Variants in CD2 observed in about 807,000 individuals in gnomAD.
CD2 encodes the protein T-cell surface antigen CD2.
A neutral mutation model predicts 23.2 loss-of-function variants in CD2; 18 were observed. That is an observed-to-expected ratio of 0.77 (90% confidence interval 0.54 to 1.15). The LOEUF (loss-of-function observed/expected upper bound fraction) is 1.15, where lower values mean the gene tolerates loss of function less well. Among genes scored for constraint, CD2 ranks in the 50% most tolerant of loss-of-function variants. The pLI is 0.00. For missense variants in CD2, 424 were observed against 423.1 expected (o/e 1.00, Z -0.02); for synonymous variants, 162 against 151.9 (o/e 1.07, Z -0.49).
chr1:116,755,078 G>A (rs1651795063), intron 2 of CD2, 127 bp downstream of exon 2: 1 of 659,662 alleles, frequency 1.5e-6, no homozygotes, highest in African/African-American at 1.8e-5. Context: ...GAAACCAGAT[G>A]CATGTCTCCT....
intron 2 of CD2, among the ~76,000 whole-genome samples, chr1:116,757,758 G>T (rs572125192): frequency 0.019 from 2,802 of 150,484 alleles, 87 homozygotes; most frequent in African/African-American, 0.064. Context: ...TATATAGAGA[G>T]AGAGAGAGAG....
At chr1:116,764,918 T>C (rs760487836) in intron 4 of CD2, among the ~76,000 whole-genome samples, 2 of 152,272 alleles carry the variant, frequency 1.3e-5, no homozygotes, top group Non-Finnish European at 1.5e-5. Flanking sequence ...CTTCTCTACA[T>C]AGGCAGAAAG....
Position 116,764,475 on chromosome 1 carries a change from C to T in CD2, c.614-9C>T, listed in dbSNP as rs368348054. On this transcript the variant is annotated splice_polypyrimidine_tract_variant and intron_variant, in intron 3 of 4. Coordinates refer to ENST00000369478, the MANE Select transcript of CD2 (RefSeq NM_001767.5). ...CCTCCCAGCCATCCCACTTCTCTTCCTTTTGCAGAGAAAGGTCTGGACATC... is the reference window on the plus strand; with the variant it reads ...CCTCCCAGCCATCCCACTTCTCTTCTTTTTGCAGAGAAAGGTCTGGACATC... The T allele has an allele frequency of 4.3e-5, 69 of 1,613,308 alleles. No individual in the cohort carries two copies. In the Middle Eastern group the frequency reaches 6.6e-4, roughly 15 times the overall value.
chr1:116,768,466 G>A lies in CD2; in HGVS notation c.739G>A (p.Glu247Lys), dbSNP rs532610592. The change falls in exon 5 of 5, where the codon GAG (glutamate) becomes AAG (lysine). Residue 247 changes from glutamate (E) to lysine (K), a missense_variant and splice_region_variant. By Grantham distance (56) the Glu-to-Lys change is moderately conservative (BLOSUM62 1). Coordinates refer to ENST00000369478, the MANE Select transcript of CD2 (RefSeq NM_001767.5). ...CTATTGAGGTTTTGTTGTTGCAGAT[G>A]AGGAGCTGGAGACAAGAGCCCACAG... The part of the protein sequence containing the change: ...RKKQRSRRND[E>K]ELETRAHRVA... The A allele has an allele frequency of 6.2e-7, 1 of 1,612,688 alleles. No homozygotes were observed. Among genetic ancestry groups the A allele is most frequent in the South Asian group, 1.1e-5 (1 of 90,968 alleles).
At chr1:116,766,137 A>T (rs898432691) in intron 4 of CD2, among the ~76,000 whole-genome samples, 1 of 152,260 alleles carries the variant, frequency 6.6e-6, no homozygotes. Flanking sequence ...CGCTTGCCTC[A>T]TTCCAGTCAT....
At chr1:116,754,983 C>T (rs1651792103) in intron 2 of CD2, 32 bp downstream of exon 2, 2 of 1,452,698 alleles carry the variant, frequency 1.4e-6, no homozygotes, top group African/African-American at 1.4e-5. Context: ...TGCTTTATTT[C>T]AGTGTGGGTG....
At chr1:116,761,587 G>T (rs1652055354) in intron 3 of CD2, among the ~76,000 whole-genome samples, 1 of 152,150 alleles carries the variant, frequency 6.6e-6, no homozygotes, top group Non-Finnish European at 1.5e-5. Context: ...TTAATCTCAG[G>T]AGTAATATCC....
chr1:116,760,396 T>C lies in CD2; in HGVS notation c.383-6T>C. 2 of 1,611,186 alleles carry C rather than the reference T, an allele frequency of 1.2e-6. No homozygotes were observed. Among genetic ancestry groups the C allele is most frequent in the Non-Finnish European group, 8.5e-7 (1 of 1,177,766 alleles). On this transcript the variant is annotated splice_polypyrimidine_tract_variant and splice_region_variant and intron_variant, in intron 2 of 4. Transcript: ENST00000369478. Reference sequence around the variant, plus strand: ...AAATTGAACTGAATCTTTACTTTCTTTTTAGAGAGGGTCTCAAAACCAAAG... The same window carrying C: ...AAATTGAACTGAATCTTTACTTTCTCTTTAGAGAGGGTCTCAAAACCAAAG...
chr1:116,765,712 C>T (rs984124268), intron 4 of CD2, among the ~76,000 whole-genome samples: 2 of 152,346 alleles, frequency 1.3e-5, no homozygotes, highest in Admixed American at 1.3e-4. Flanking sequence ...CCAGCTCTGG[C>T]TGTTCTCCAT....
At chr1:116,765,486 C>A (rs1652188895) in intron 4 of CD2, among the ~76,000 whole-genome samples, 3 of 152,170 alleles carry the variant, frequency 2.0e-5, no homozygotes, top group Non-Finnish European at 4.4e-5. Context: ...GCTTCTTTAC[C>A]TCAGATTTCT....
At chr1:116,764,667 T>G in intron 4 of CD2, 61 bp downstream of exon 4, 1 of 1,221,044 alleles carries the variant, frequency 8.2e-7, no homozygotes, top group Non-Finnish European at 1.2e-6. Context: ...AAACAGCTCA[T>G]GGGGATGACA....
intron 4 of CD2, among the ~76,000 whole-genome samples, chr1:116,767,061 T>C (rs1376185707): frequency 2.0e-5 from 3 of 152,130 alleles, no homozygotes. Context: ...GAAGATGGCA[T>C]AGAGGATGTG....
Position 116,760,555 on chromosome 1 carries a change from G to C in CD2, c.536G>C (p.Ser179Thr). The C allele has an allele frequency of 1.9e-6, 3 of 1,614,208 alleles. No homozygotes were observed. In the South Asian group the frequency reaches 3.3e-5, roughly 18 times the overall value. The change falls in exon 3 of 5, where the codon AGC (serine) becomes ACC (threonine). Residue 179 changes from serine to threonine, a missense_variant. By Grantham distance (58) the Ser-to-Thr change is moderately conservative (BLOSUM62 1). Transcript: ENST00000369478. Reference sequence around the variant, plus strand: ...GTCATCACACACAAGTGGACCACCAGCCTGAGTGCAAAATTCAAGTGCACA... The same window carrying C: ...GTCATCACACACAAGTGGACCACCACCCTGAGTGCAAAATTCAAGTGCACA... ...QRVITHKWTT[S>T]LSAKFKCTAG...
chr1:116,766,183 G>A (rs539830909), intron 4 of CD2, among the ~76,000 whole-genome samples: 1 of 152,342 alleles, frequency 6.6e-6, no homozygotes, highest in South Asian at 2.1e-4. Flanking sequence ...GCAAACAAGG[G>A]AGAAGGACAA....
chr1:116,768,406 A>G, intron 4 of CD2, 58 bp from the exon 5 acceptor site: 10 of 1,523,976 alleles, frequency 6.6e-6, no homozygotes, highest in Admixed American at 1.9e-5. Context: ...AAGGTACTCA[A>G]TATTTACATT....
Position 116,768,319 on chromosome 1 carries a change from A to G in CD2, c.737-145A>G, listed in dbSNP as rs576400985. 2.7e-5 allele frequency: 19 copies of G among 695,274 alleles called. No homozygotes were observed. In the South Asian group the frequency reaches 3.5e-4, roughly 13 times the overall value. 43.1% of individuals were successfully genotyped at this position (695,274 alleles called of 1,614,324 possible). ...ACTTCTTTCTCTCCTACAAGCTTAG[A>G]GTTCTCAGATAGTAGGGGCAACTTC... On this transcript the variant is annotated intron_variant, in intron 4 of 4. Transcript: ENST00000369478.
chr1:116,761,413 C>T (rs988661182), intron 3 of CD2, among the ~76,000 whole-genome samples: 2 of 152,170 alleles, frequency 1.3e-5, no homozygotes, highest in African/African-American at 2.4e-5. Flanking sequence ...AAAATAAGCA[C>T]CATGTTCACA....
chr1:116,757,078 C>T (rs958887432), intron 2 of CD2, among the ~76,000 whole-genome samples: 2 of 151,650 alleles, frequency 1.3e-5, no homozygotes, highest in African/African-American at 2.4e-5. Flanking sequence ...CTCACTGCAG[C>T]CTCTGCCTCC....
chr1:116,760,345 T>C (rs2101160936), intron 2 of CD2, 57 bp from the exon 3 acceptor site: 3 of 1,385,216 alleles, frequency 2.2e-6, no homozygotes, highest in Non-Finnish European at 3.1e-6. Flanking sequence ...TAAATAGATA[T>C]GTTTATTAAA....
Sources: allele counts gnomAD v4.1 joint callset (sites outside exome capture counted in the v4.1 genomes callset), GRCh38; gene constraint gnomAD v4.1.1; transcripts MANE v1.5; gene names NCBI Gene and HGNC (gene_info 2026-07-23, HGNC 2026-07-21).